The following LINC00632 variants were observed in gnomAD, a reference collection of about 807,000 sequenced individuals.
The protein encoded by LINC00632 is long independently transcribed non-coding RNA 632.
exon 5 of LINC00632, among the ~76,000 whole-genome samples, chrX:140,776,588 A>C (rs2148403050): frequency 8.9e-6 from 1 of 112,621 alleles, no homozygotes; most frequent in East Asian, 2.8e-4. Flanking sequence ...GCCTGTCCGC[A>C]TCCGCCGCGC....
rs1443928467 is a variant in LINC00632 at position 140,740,545 on chromosome X, GTTTTTTT to G, written n.191+6585_191+6591del. On this transcript the variant is annotated intron_variant and non_coding_transcript_variant, in intron 3 of 4. Coordinates refer to ENST00000648200, the Ensembl canonical transcript of LINC00632. ...ATTTACAAGAAGTAACAAAGTGAAT[GTTTTTTT>G]TTTGCAACGAGAAGAATAAGAGAAC... is the stretch of plus-strand genomic sequence containing the variant. 2.9e-5 allele frequency among the ~76,000 whole-genome samples: 3 copies of G among 105,249 alleles called. No individual in the cohort carries two copies. In the Admixed American group the frequency reaches 3.1e-4, roughly 11 times the overall value. 91.4% of individuals were successfully genotyped at this position (105,249 alleles called of 115,157 possible). A position where few individuals can be genotyped will look rare whatever the true frequency, so the allele number is the denominator to read the frequency against.
chrX:140,761,366 A>C (rs181768335), intron 3 of LINC00632, among the ~76,000 whole-genome samples: 47 of 112,429 alleles, frequency 4.2e-4, no homozygotes, highest in Non-Finnish European at 7.7e-4. Context: ...AGTACTGGAA[A>C]CACCCACAAA....
At chrX:140,758,964 C>CT (rs146312064) in intron 3 of LINC00632, among the ~76,000 whole-genome samples, 2,441 of 78,895 alleles carry the variant, frequency 0.031, 108 homozygotes, top group African/African-American at 0.098. Flanking sequence ...CTTTTCTTTT[C>CT]TTTTTTTTTT....
chrX:140,771,404 A>G (rs1216027226), intron 3 of LINC00632, among the ~76,000 whole-genome samples: 1 of 108,340 alleles, frequency 9.2e-6, no homozygotes, highest in Non-Finnish European at 1.9e-5. Context: ...TAACGTGGAA[A>G]AAGGATAAGA....
intron 3 of LINC00632, among the ~76,000 whole-genome samples, chrX:140,749,085 A>T: frequency 9.1e-6 from 1 of 110,147 alleles, no homozygotes; most frequent in Non-Finnish European, 1.9e-5. Flanking sequence ...TGATTCTCAG[A>T]TAAAATTTGC....
exon 5 of LINC00632, among the ~76,000 whole-genome samples, chrX:140,787,024 C>A (rs903426856): frequency 9.0e-6 from 1 of 110,962 alleles, no homozygotes; most frequent in Non-Finnish European, 1.9e-5. Context: ...ATTTTATTTT[C>A]TTCTATATAT....
chrX:140,732,146 G>C (rs1304106842), intron 2 of LINC00632, among the ~76,000 whole-genome samples: 1 of 111,301 alleles, frequency 9.0e-6, no homozygotes, highest in Non-Finnish European at 1.9e-5. Flanking sequence ...AGAGGTTGCA[G>C]TGAGCCGAGA....
chrX:140,770,330 T>C (rs1318807919), intron 3 of LINC00632, among the ~76,000 whole-genome samples: 1 of 111,929 alleles, frequency 8.9e-6, no homozygotes, highest in Admixed American at 9.5e-5. Context: ...AATATGGCGA[T>C]GAAAGTGACC....
intron 3 of LINC00632, among the ~76,000 whole-genome samples, chrX:140,734,257 A>C (rs1931107322): frequency 8.9e-6 from 1 of 112,032 alleles, no homozygotes; most frequent in Non-Finnish European, 1.9e-5. Flanking sequence ...GGTCTACTCC[A>C]TCACACATCT....
intron 3 of LINC00632, among the ~76,000 whole-genome samples, chrX:140,740,988 G>A (rs770072556): frequency 1.8e-5 from 2 of 112,015 alleles, no homozygotes; most frequent in East Asian, 5.6e-4. Flanking sequence ...TTGTAGAACA[G>A]GGGTAGTTAG....
chrX:140,776,693 G>T (rs1842117638), exon 5 of LINC00632, among the ~76,000 whole-genome samples: 1 of 111,899 alleles, frequency 8.9e-6, no homozygotes, highest in African/African-American at 3.3e-5. Context: ...ACTGTCGGTG[G>T]GAGTGTAAAT....
chrX:140,789,936 T>C (rs1026997182), exon 5 of LINC00632, among the ~76,000 whole-genome samples: 1 of 111,981 alleles, frequency 8.9e-6, no homozygotes, highest in Non-Finnish European at 1.9e-5. Flanking sequence ...GATTTAATTA[T>C]GTAAATAGAC....
chrX:140,751,695 G>C (rs1931413567), intron 3 of LINC00632, among the ~76,000 whole-genome samples: 1 of 111,374 alleles, frequency 9.0e-6, no homozygotes, highest in Admixed American at 9.6e-5. Flanking sequence ...TTATTAATGT[G>C]GCAGGCATAT....
At chrX:140,741,979 T>G (rs779290661) in intron 3 of LINC00632, among the ~76,000 whole-genome samples, 5 of 112,213 alleles carry the variant, frequency 4.5e-5, no homozygotes, top group African/African-American at 1.6e-4. Context: ...GTTTGCTTTA[T>G]TTCACACTGT....
At chrX:140,753,127 C>T (rs931327588) in intron 3 of LINC00632, among the ~76,000 whole-genome samples, 6 of 111,523 alleles carry the variant, frequency 5.4e-5, no homozygotes, top group South Asian at 3.7e-4. Flanking sequence ...AATACTTTTT[C>T]GAAAATTAAG....
rs776068375 is a variant in LINC00632 at position 140,763,882 on chromosome X, C to T, written n.192-8196C>T. Among the ~76,000 whole-genome samples the T allele has an allele frequency of 2.8e-3, 308 of 111,543 alleles. 1 individual carries two copies. The highest frequency in any genetic ancestry group is 4.7e-3 in the Middle Eastern group (1 of 214). On this transcript the variant is annotated intron_variant and non_coding_transcript_variant, in intron 3 of 4. Coordinates refer to ENST00000648200, the Ensembl canonical transcript of LINC00632. ...GACAAGCACTTGCCATTTTATGTTG[C>T]GAAGGGCTTCAGAGAAATTTGAGGT...
chrX:140,734,559 A>T (rs1931110969), intron 3 of LINC00632, among the ~76,000 whole-genome samples: 1 of 110,102 alleles, frequency 9.1e-6, no homozygotes, highest in Admixed American at 9.9e-5. Flanking sequence ...CAATATTTAA[A>T]GGCCCCTTAT....
Position 140,742,863 on chromosome X carries a change from G to A in LINC00632, n.191+8899G>A, listed in dbSNP as rs932294804. ...ATAGAGAGAGAGAGAGAGAGAGAGA[G>A]AGAGAGAGAGAGAGAGGAAGGAAGG... On this transcript the variant is annotated intron_variant and non_coding_transcript_variant, in intron 3 of 4. Transcript: ENST00000648200. Among the ~76,000 whole-genome samples, 3 of 96,264 alleles carry A rather than the reference G, an allele frequency of 3.1e-5. No individual in the cohort carries two copies. The South Asian group carries it at 1.7e-3, about 54-fold the overall frequency. The allele number at this position is 96,264 out of a possible 115,157, so 83.6% of individuals were successfully genotyped here. A position where few individuals can be genotyped will look rare whatever the true frequency, so the allele number is the denominator to read the frequency against.
chrX:140,774,090 A>G (rs1472527856), exon 4 of LINC00632, among the ~76,000 whole-genome samples: 2 of 112,365 alleles, frequency 1.8e-5, no homozygotes, highest in Admixed American at 1.9e-4. Context: ...CCTTGAAGAC[A>G]TTGAGTTAAG....
Sources: allele counts gnomAD v4.1 joint callset (sites outside exome capture counted in the v4.1 genomes callset), GRCh38; gene constraint gnomAD v4.1.1; transcripts MANE v1.5; gene names NCBI Gene and HGNC (gene_info 2026-07-23, HGNC 2026-07-21).